AOX1: variants seen among roughly 807,000 people sequenced by gnomAD.
AOX1 encodes the protein aldehyde oxidase.
AOX1 carries 153 observed loss-of-function variants against 169.5 expected under a neutral mutation model. That is an observed-to-expected ratio of 0.90 (90% CI 0.79 to 1.03). AOX1 has a LOEUF of 1.03. Ranked by LOEUF, AOX1 falls within the 50% of genes least tolerant of loss-of-function variation. AOX1 has a pLI of 0.00. For missense variants in AOX1, 1,656 were observed against 1,663.9 expected (o/e 1.00, Z 0.08); for synonymous variants, 562 against 581.9 (o/e 0.97, Z 0.49).
intron 20 of AOX1, among the ~76,000 whole-genome samples, chr2:200,628,621 T>A (rs1169945057): frequency 1.3e-5 from 2 of 152,152 alleles, no homozygotes; most frequent in Admixed American, 6.5e-5. Context: ...TGGCCTCTAG[T>A]GCATGTTAAA....
In AOX1 at chr2:200,611,510, G is replaced by C; in HGVS notation, c.1263+17G>C. ...TCAAGGAAGGTGAGAACATCCCACT[G>C]TCAATTTCCCAGTTGCACCTGTGAT... On this transcript the variant is annotated intron_variant, in intron 13 of 34. Transcript: ENST00000374700. 2 of 1,517,378 alleles carry C rather than the reference G, an allele frequency of 1.3e-6. No homozygotes were observed. The highest frequency in any genetic ancestry group is 1.8e-6 in the Non-Finnish European group (2 of 1,092,098). The allele number at this position is 1,517,378 out of a possible 1,614,324, so 94.0% of individuals were successfully genotyped here.
chr2:200,621,297 G>A (rs2034882769), intron 18 of AOX1, 51 bp downstream of exon 18: 2 of 1,587,092 alleles, frequency 1.3e-6, no homozygotes, highest in Admixed American at 1.8e-5. Context: ...AGTTAACGGT[G>A]CTTCATATTT....
chr2:200,617,686 T>C (rs996650899), intron 16 of AOX1, among the ~76,000 whole-genome samples: 1 of 152,068 alleles, frequency 6.6e-6, no homozygotes, highest in African/African-American at 2.4e-5. Flanking sequence ...TACCTATGAA[T>C]GTCTTTCCTT....
intron 20 of AOX1, among the ~76,000 whole-genome samples, chr2:200,630,719 G>A (rs185156661): frequency 5.9e-5 from 9 of 152,188 alleles, no homozygotes; most frequent in East Asian, 3.9e-4. Context: ...GTCTGCTATC[G>A]TCTTTTGGAT....
chr2:200,634,164 A>ATTT (rs58341876), intron 20 of AOX1, among the ~76,000 whole-genome samples: 92 of 84,916 alleles, frequency 1.1e-3, no homozygotes, highest in East Asian at 2.2e-3. Flanking sequence ...TTTCTTGAGG[A>ATTT]TTTTTTTTTT....
chr2:200,662,790 G>C, intron 30 of AOX1, 65 bp from the exon 31 acceptor site: 1 of 1,300,108 alleles, frequency 7.7e-7, no homozygotes. Context: ...TCATGGGTCT[G>C]TTTAGTCATC....
At chr2:200,657,160 C>CAAAAAAAAAAAAAAAAAAAA (rs1442000312) in intron 27 of AOX1, among the ~76,000 whole-genome samples, 2 of 59,140 alleles carry the variant, frequency 3.4e-5, no homozygotes, top group African/African-American at 1.2e-4. Context: ...TCCATCTCTA[C>CAAAAAAAAAAAAAAAAAAAA]CAAAAATATA....
At chr2:200,637,468 C>T (rs1030150597) in intron 22 of AOX1, among the ~76,000 whole-genome samples, 5 of 151,620 alleles carry the variant, frequency 3.3e-5, no homozygotes, top group African/African-American at 1.2e-4. Context: ...TGTTTATAAA[C>T]GTATATGTAT....
At chr2:200,588,561 G>T (rs887871854) in intron 1 of AOX1, among the ~76,000 whole-genome samples, 11 of 151,908 alleles carry the variant, frequency 7.2e-5, no homozygotes, top group Non-Finnish European at 1.6e-4. Context: ...GTGGTTATTT[G>T]TAAAGTATAA....
Position 200,639,101 on chromosome 2 carries a change from G to A in AOX1, c.2568+799G>A, listed in dbSNP as rs181555546. ...CAATTAGAAATTTAGCTCCATAGTC[G>A]TATTAGCTATATTCCAAGTGCTCAG... On this transcript the variant is annotated intron_variant, in intron 23 of 34. Coordinates refer to ENST00000374700, the MANE Select transcript of AOX1 (RefSeq NM_001159.4). Among the ~76,000 whole-genome samples, 139 of 152,290 alleles carry A rather than the reference G, an allele frequency of 9.1e-4. 1 individual carries two copies. The highest frequency in any genetic ancestry group is 3.1e-3 in the African/African-American group (128 of 41,572).
chr2:200,612,274 A>G (rs1226809586), intron 13 of AOX1, among the ~76,000 whole-genome samples: 1 of 152,134 alleles, frequency 6.6e-6, no homozygotes, highest in Non-Finnish European at 1.5e-5. Flanking sequence ...TGGATTCCTC[A>G]TCTGTAAAAT....
intron 12 of AOX1, 115 bp downstream of exon 12, chr2:200,609,529 T>G (rs1471551682): frequency 2.5e-6 from 2 of 805,864 alleles, no homozygotes; most frequent in African/African-American, 1.7e-5. Context: ...ATCAATACAT[T>G]TCTCTGCTTT....
At chr2:200,674,975 G>A (rs956424949), downstream of AOX1, among the ~76,000 whole-genome samples, 5 of 152,298 alleles carry the variant, frequency 3.3e-5, no homozygotes, top group African/African-American at 9.6e-5. Context: ...ACATCACGCC[G>A]GGGCAATTTA....
At chr2:200,648,274 T>C (rs907824372) in intron 25 of AOX1, among the ~76,000 whole-genome samples, 1 of 152,202 alleles carries the variant, frequency 6.6e-6, no homozygotes, top group Non-Finnish European at 1.5e-5. Context: ...TTTTGTCCCA[T>C]GGAATGTTCC....
chr2:200,664,947 T>C (rs1318454912), intron 31 of AOX1, among the ~76,000 whole-genome samples: 4 of 152,130 alleles, frequency 2.6e-5, no homozygotes, highest in African/African-American at 9.7e-5. Context: ...TGTCAAGCTG[T>C]GGCTGGGGCA....
chr2:200,604,730 T>C lies in AOX1; in HGVS notation c.704T>C (p.Val235Ala), dbSNP rs781159144. 6.2e-7 allele frequency: 1 copy of C among 1,613,874 alleles called. No homozygotes were observed. The highest frequency in any genetic ancestry group is 8.5e-7 in the Non-Finnish European group (1 of 1,179,952). ...MAEKQSQRTR[V>A]FGSERMMWFS... ...GAGAAACAGTCGCAAAGGACCAGGGTGTTTGGCAGTGAGAGAATGATGTGG... is the reference window on the plus strand; with the variant it reads ...GAGAAACAGTCGCAAAGGACCAGGGCGTTTGGCAGTGAGAGAATGATGTGG... The change falls in exon 9 of 35, where the codon GTG becomes GCG. Residue 235 changes from valine to alanine, a missense_variant. By Grantham distance (64) the Val-to-Ala change is moderately conservative. Transcript: ENST00000374700.
At chr2:200,643,398 C>CACAT (rs142362161) in intron 25 of AOX1, among the ~76,000 whole-genome samples, 16,589 of 148,660 alleles carry the variant, frequency 0.11, 1,344 homozygotes, top group East Asian at 0.46. Context: ...CACACACACA[C>CACAT]ATATATATAT....
intron 20 of AOX1, among the ~76,000 whole-genome samples, chr2:200,629,400 G>A (rs1178548434): frequency 6.6e-6 from 1 of 152,202 alleles, no homozygotes; most frequent in Non-Finnish European, 1.5e-5. Context: ...ATTAGATTTA[G>A]ATGTTTTTGT....
chr2:200,678,582 T>C (rs1443602543), downstream of AOX1: 1 of 152,194 alleles, frequency 6.6e-6, no homozygotes, highest in African/African-American at 2.4e-5. Flanking sequence ...TCAGAAATAA[T>C]GGGCCACAGG....
Sources: gnomAD v4.1 joint callset for allele counts (sites outside exome capture counted in the v4.1 genomes callset) on GRCh38, gnomAD v4.1.1 for gene constraint, MANE v1.5 for transcripts, NCBI Gene and HGNC (gene_info 2026-07-23, HGNC 2026-07-21) for gene names.